The following GNPTG variants were observed in gnomAD, a reference collection of about 807,000 sequenced individuals.
GNPTG encodes the protein N-acetylglucosamine-1-phosphotransferase subunit gamma.
Under a neutral mutation model 43.8 loss-of-function variants are expected in GNPTG, and 46 were observed. The ratio of observed to expected loss-of-function variants is 1.05; its 90% CI spans 0.83 to 1.34. The LOEUF (loss-of-function observed/expected upper bound fraction) is 1.34. Among genes scored for constraint, GNPTG ranks in the 40% most tolerant of loss-of-function variants. The pLI is 0.00. For synonymous variants in GNPTG, 250 were observed against 172.8 expected, an observed-to-expected ratio of 1.45 and a Z score of -3.50; for missense variants, 549 against 411.3, an observed-to-expected ratio of 1.33 and a Z score of -2.90.
chr16:1,357,480 G>A (rs900563276), intron 3 of GNPTG, among the ~76,000 whole-genome samples: 3 of 142,338 alleles, frequency 2.1e-5, no homozygotes, highest in South Asian at 2.2e-4. Context: ...TGTGTATTTC[G>A]ACTTTATTAT....
In GNPTG at chr16:1,351,970, C is replaced by G; in HGVS notation, c.5C>G (p.Ala2Gly). 2 of 1,314,860 alleles carry G rather than the reference C, an allele frequency of 1.5e-6. No homozygotes were observed. Among genetic ancestry groups the G allele is most frequent in the Non-Finnish European group, 1.9e-6 (2 of 1,036,718 alleles). The allele number at this position is 1,314,860 out of a possible 1,614,324, so 81.4% of individuals were successfully genotyped here. A position where few individuals can be genotyped will look rare whatever the true frequency, so the allele number is the denominator to read the frequency against. The change falls in exon 1 of 11, where the codon GCG becomes GGG. Residue 2 changes from alanine (A) to glycine (G), a missense_variant. Coordinates refer to ENST00000204679, the MANE Select transcript of GNPTG (RefSeq NM_032520.5). ...CGCGGCGGCCGCTGCGGCGCGATGGCGGCGGGGCTGGCGCGGCTCCTGTTG... is the reference window on the plus strand; with the variant it reads ...CGCGGCGGCCGCTGCGGCGCGATGGGGGCGGGGCTGGCGCGGCTCCTGTTG... M[A>G]AGLARLLLLL...
At position 1,363,324 on chromosome 16, in the gene GNPTG, C is replaced by T. The variant is rs890946572; in HGVS notation, c.*233C>T. ...AAACAAGTGTTAACTTTAAACAGTT[C>T]GCTACAAGTAAATGATTATAAATAC... is the stretch of plus-strand genomic sequence containing the variant. On this transcript the variant is annotated 3_prime_UTR_variant, in exon 11 of 11. Coordinates refer to ENST00000204679, the MANE Select transcript of GNPTG (RefSeq NM_032520.5). 4.3e-5 allele frequency: 23 copies of T among 536,182 alleles called. No homozygotes were observed. The highest frequency in any genetic ancestry group is 5.1e-4 in the Middle Eastern group (1 of 1,964). 33.2% of individuals were successfully genotyped at this position (536,182 alleles called of 1,614,324 possible).
chr16:1,354,996 C>T (rs952659785), intron 3 of GNPTG, among the ~76,000 whole-genome samples: 2 of 151,578 alleles, frequency 1.3e-5, no homozygotes, highest in Admixed American at 1.3e-4. Flanking sequence ...GATACTCCCC[C>T]GCATCTGCGG....
chr16:1,354,850 G>A (rs1337380044), intron 3 of GNPTG, among the ~76,000 whole-genome samples: 3 of 152,230 alleles, frequency 2.0e-5, no homozygotes, highest in East Asian at 1.9e-4. Flanking sequence ...GGGGTCAGGC[G>A]TGGATAGTCC....
intron 3 of GNPTG, 86 bp downstream of exon 3, chr16:1,352,392 C>T: frequency 6.1e-6 from 8 of 1,311,384 alleles, no homozygotes; most frequent in Middle Eastern, 5.2e-4. Context: ...CTGAGAGTTA[C>T]GGCCCGGAGT....
chr16:1,352,391 A>G, intron 3 of GNPTG, 85 bp downstream of exon 3: 1 of 1,336,678 alleles, frequency 7.5e-7, no homozygotes, highest in Non-Finnish European at 1.0e-6. Flanking sequence ...CCTGAGAGTT[A>G]CGGCCCGGAG....
chr16:1,355,784 T>A (rs2034764848), intron 3 of GNPTG, among the ~76,000 whole-genome samples: 1 of 144,100 alleles, frequency 6.9e-6, no homozygotes, highest in African/African-American at 2.6e-5. Flanking sequence ...GGGGGAGGAG[T>A]AGAGTGGCCC....
At position 1,364,053 on chromosome 16, in the gene GNPTG, C is replaced by G. The variant is rs866902896; in HGVS notation, c.*962C>G. 2.0e-5 allele frequency: 3 copies of G among 152,222 alleles called. No individual in the cohort carries two copies. The highest frequency in any genetic ancestry group is 2.1e-4 in the South Asian group (1 of 4,830). The allele number at this position is 152,222 out of a possible 1,614,324, so 9.4% of individuals were successfully genotyped here. On this transcript the variant is annotated 3_prime_UTR_variant, in exon 11 of 11. Coordinates refer to ENST00000204679, the MANE Select transcript of GNPTG (RefSeq NM_032520.5). ...AGACACCACTTATCCCAGAAAAGAC[C>G]AGAGGCTCCAAATGGGAACCAAGTG...
chr16:1,362,247 G>A lies in GNPTG; in HGVS notation c.453G>A (p.Val151=), dbSNP rs767633692. Residue 151 remains valine, a synonymous_variant, in exon 7 of 11, where the codon GTG becomes GTA. Coordinates refer to ENST00000204679, the MANE Select transcript of GNPTG (RefSeq NM_032520.5). ...GAAAAAGCAACCGGCTGGCCCATGT[G>A]TCCGAGCCGAGCACCTGCGTCTACG... is the stretch of plus-strand genomic sequence containing the variant. The part of the protein sequence containing the change: ...ACGKSNRLAH[V]SEPSTCVYAL... 1.2e-6 allele frequency: 2 copies of A among 1,613,540 alleles called. No homozygotes were observed. Among genetic ancestry groups the A allele is most frequent in the South Asian group, 1.1e-5 (1 of 91,090 alleles).
chr16:1,357,183 C>G (rs1468819175), intron 3 of GNPTG, among the ~76,000 whole-genome samples: 1 of 152,192 alleles, frequency 6.6e-6, no homozygotes, highest in Non-Finnish European at 1.5e-5. Flanking sequence ...AGGGGCCACC[C>G]AGATGGTATT....
Position 1,361,875 on chromosome 16 carries a change from C to G in GNPTG, c.237C>G (p.Tyr79Ter), listed in dbSNP as rs749952316. 1.2e-6 allele frequency: 2 copies of G among 1,613,926 alleles called. No individual in the cohort carries two copies. The highest frequency in any genetic ancestry group is 1.7e-6 in the Non-Finnish European group (2 of 1,180,030). ...GKCFSLVEST[Y>*]KYEFCPFHNV... The stretch of plus-strand genomic sequence containing the variant: ...CTCATGCCATCTGTGTCCCCAGGTA[C>G]AAGTATGAGTTCTGCCCGTTCCACA... The change falls in exon 5 of 11, where the codon TAC becomes TAG. Residue 79 changes from tyrosine to a stop codon, truncating the protein, a stop_gained. Coordinates refer to ENST00000204679, the MANE Select transcript of GNPTG (RefSeq NM_032520.5). LOFTEE classifies it high-confidence loss of function.
chr16:1,359,289 TAG>T (rs1243451069), intron 3 of GNPTG, among the ~76,000 whole-genome samples: 2 of 151,964 alleles, frequency 1.3e-5, no homozygotes, highest in African/African-American at 2.4e-5. Context: ...TTTTTCCATA[TAG>T]AGTCTAACTC....
At position 1,362,553 on chromosome 16, in the gene GNPTG, T is replaced by G. The variant is rs2141863759; in HGVS notation, c.609+19T>G. On this transcript the variant is annotated intron_variant, in intron 8 of 10. Transcript: ENST00000204679. ...CCCCCAGGTAAGCGTGCGCTCGGGG[T>G]GGCCCCTGGTGGGCCTGGCTGGGAG... The G allele has an allele frequency of 6.2e-7, 1 of 1,614,030 alleles. No individual in the cohort carries two copies. Among genetic ancestry groups the G allele is most frequent in the Admixed American group, 1.7e-5 (1 of 60,014 alleles).
chr16:1,352,076 C>T (rs1451376439), intron 1 of GNPTG, 26 bp from the exon 2 acceptor site: 1 of 1,547,584 alleles, frequency 6.5e-7, no homozygotes, highest in Non-Finnish European at 8.7e-7. Flanking sequence ...CCCCGGCCTC[C>T]CCGCTCACGG....
In GNPTG at chr16:1,362,665, C is replaced by A; in HGVS notation, c.664C>A (p.Pro222Thr). Reference sequence around the variant, plus strand: ...TGAGGATGCTGGCTACTTAAAGACCCCAGAAGAAAATGAACCCACCCAGCT... The same window carrying A: ...TGAGGATGCTGGCTACTTAAAGACCACAGAAGAAAATGAACCCACCCAGCT... Reference protein sequence around the residue: ...LFEDAGYLKTPEENEPTQLEG... With the variant: ...LFEDAGYLKTTEENEPTQLEG... Residue 222 changes from proline to threonine, a missense_variant, in exon 9 of 11, where the codon CCA becomes ACA. Pro to Thr is a conservative substitution (Grantham distance 38). Transcript: ENST00000204679. 3 of 1,614,104 alleles carry A rather than the reference C, an allele frequency of 1.9e-6. No homozygotes were observed. Among genetic ancestry groups the A allele is most frequent in the Non-Finnish European group, 2.5e-6 (3 of 1,180,012 alleles).
At chr16:1,358,371 T>C (rs184891249) in intron 3 of GNPTG, 11 of 152,210 alleles carry the variant, frequency 7.2e-5, no homozygotes, top group African/African-American at 2.7e-4. Flanking sequence ...CATAACTGTG[T>C]GCGACCTTTT....
chr16:1,363,497 C>A lies in GNPTG; in HGVS notation c.*406C>A. The A allele has an allele frequency of 3.4e-6, 1 of 296,916 alleles. No individual in the cohort carries two copies. Among genetic ancestry groups the A allele is most frequent in the Non-Finnish European group, 6.6e-6 (1 of 151,764 alleles). The allele number at this position is 296,916 out of a possible 1,614,324, so 18.4% of individuals were successfully genotyped here. On this transcript the variant is annotated 3_prime_UTR_variant, in exon 11 of 11. Transcript: ENST00000204679. ...CACAGTTACACACGTCGTGACACCA[C>A]TGTATCACGGCGAATGTCGAACACT...
chr16:1,357,300 G>A (rs574716867), intron 3 of GNPTG, among the ~76,000 whole-genome samples: 4 of 152,104 alleles, frequency 2.6e-5, no homozygotes, highest in Non-Finnish European at 4.4e-5. Flanking sequence ...CAGCCCCAGG[G>A]GTGAGTGGAA....
At chr16:1,356,898 AGTGTGCGGGCGAGAGTGTGCGGGCGGGG>A (rs1567181416) in intron 3 of GNPTG, among the ~76,000 whole-genome samples, 3 of 7,126 alleles carry the variant, frequency 4.2e-4, no homozygotes, top group Admixed American at 2.3e-3. Context: ...TGCGGGCGGG[AGTGTGCGGGCGAGAGTGTGCGGGCGGGG>A]GTCTGCGGGC....
Sources: gnomAD v4.1 joint callset for allele counts (sites outside exome capture counted in the v4.1 genomes callset) on GRCh38, gnomAD v4.1.1 for gene constraint, MANE v1.5 for transcripts, NCBI Gene and HGNC (gene_info 2026-07-23, HGNC 2026-07-21) for gene names.